The following OGDHL variants were observed in gnomAD, a reference collection of about 807,000 sequenced individuals.
OGDHL encodes the protein 2-oxoglutarate dehydrogenase-like, mitochondrial.
OGDHL carries 79 observed loss-of-function variants against 109.6 expected under a neutral mutation model. The observed-to-expected ratio is 0.72, with a 90% CI of 0.60 to 0.87. The LOEUF is 0.87. OGDHL is among the 40% of genes least tolerant of loss of function. The pLI is 0.00. For missense variants in OGDHL, 1,275 were observed against 1,362.2 expected (o/e 0.94, Z 1.01); for synonymous variants, 528 against 537.2 (o/e 0.98, Z 0.24).
At chr10:49,758,075 A>T (rs1036081872) in intron 2 of OGDHL, among the ~76,000 whole-genome samples, 3 of 152,246 alleles carry the variant, frequency 2.0e-5, no homozygotes. Context: ...AGATCAATAC[A>T]TACACAAACA....
Position 49,735,262 on chromosome 10 carries a change from A to C in OGDHL, c.2999T>G (p.Phe1000Cys), listed in dbSNP as rs1841060994. ...VSLKKFLDTA[F>C]NLQAFEGKTF is the part of the protein sequence containing the mutation. ...CTTGCCCTCAAAGGCCTGGAGATTGAAGGCAGTATCCAGAAACTTCTTCAG... is the reference window on the plus strand; with the variant it reads ...CTTGCCCTCAAAGGCCTGGAGATTGCAGGCAGTATCCAGAAACTTCTTCAG... The change falls in exon 23 of 23, where the codon TTC (phenylalanine) becomes TGC (cysteine). Residue 1000 changes from phenylalanine to cysteine, a missense_variant. Phe to Cys is a radical substitution (Grantham distance 205). Coordinates refer to ENST00000374103, the MANE Select transcript of OGDHL (RefSeq NM_018245.3). 6.2e-7 allele frequency: 1 copy of C among 1,613,948 alleles called. No homozygotes were observed. Among genetic ancestry groups the C allele is most frequent in the African/African-American group, 1.3e-5 (1 of 74,932 alleles).
At chr10:49,748,542 G>T (rs1842357118) in intron 8 of OGDHL, among the ~76,000 whole-genome samples, 1 of 152,102 alleles carries the variant, frequency 6.6e-6, no homozygotes, top group South Asian at 2.1e-4. Flanking sequence ...AAAAAAAATA[G>T]TAATTTCATT....
intron 8 of OGDHL, among the ~76,000 whole-genome samples, chr10:49,748,742 C>CA (rs1842373583): frequency 8.2e-5 from 11 of 133,884 alleles, no homozygotes; most frequent in Non-Finnish European, 1.3e-4. Flanking sequence ...AGGTATGGGT[C>CA]CACACACACA....
At chr10:49,758,333 G>C in intron 2 of OGDHL, 56 bp downstream of exon 2, 1 of 1,534,968 alleles carries the variant, frequency 6.5e-7, no homozygotes, top group Non-Finnish European at 8.8e-7. Flanking sequence ...GCCACAGCCC[G>C]GCCCCCGAGG....
At chr10:49,751,078 G>A (rs1842558281) in intron 6 of OGDHL, 93 bp from the exon 7 acceptor site, 12 of 1,196,614 alleles carry the variant, frequency 1.0e-5, no homozygotes, top group Non-Finnish European at 1.4e-5. Flanking sequence ...GCTCAGAGCT[G>A]AATGCTGAGG....
intron 7 of OGDHL, 37 bp from the exon 8 acceptor site, chr10:49,749,853 C>T: frequency 6.5e-7 from 1 of 1,540,202 alleles, no homozygotes; most frequent in Non-Finnish European, 8.8e-7. Flanking sequence ...CCTGGCAAAG[C>T]CCGCAGGCCT....
chr10:49,738,427 C>T, intron 17 of OGDHL, 165 bp from the exon 18 acceptor site: 1 of 665,012 alleles, frequency 1.5e-6, no homozygotes, highest in Non-Finnish European at 2.6e-6. Context: ...GGAACAAGAG[C>T]AGAATGGGAA....
At chr10:49,746,999 G>C in intron 9 of OGDHL, 30 bp downstream of exon 9, 1 of 1,611,362 alleles carries the variant, frequency 6.2e-7, no homozygotes, top group Non-Finnish European at 8.5e-7. Context: ...GAAGGGCCCA[G>C]GTCCTCTGGG....
intron 16 of OGDHL, among the ~76,000 whole-genome samples, chr10:49,740,476 C>T (rs934726313): frequency 4.6e-5 from 7 of 152,088 alleles, no homozygotes; most frequent in Admixed American, 4.6e-4. Context: ...CAAAACCCCT[C>T]AAGGCAAGGA....
chr10:49,741,984 A>G (rs201814669), intron 15 of OGDHL, among the ~76,000 whole-genome samples: 18 of 141,268 alleles, frequency 1.3e-4, no homozygotes, highest in Admixed American at 8.5e-4. Flanking sequence ...CACACACACA[A>G]CCACACACAC....
At position 49,738,201 on chromosome 10, in the gene OGDHL, T is replaced by C. The variant is rs1196658326; in HGVS notation, c.2381A>G (p.Asp794Gly). Residue 794 changes from aspartate to glycine, a missense_variant, in exon 18 of 23, where the codon GAT (aspartate) becomes GGT (glycine). Transcript: ENST00000374103. ...AGCAGCAACACTCACAGGGTAGGCA[T>C]CCGAGTCATCATTGCTCATCTGCAG... ...RFLQMSNDDS[D>G]AYPAFTKDFE... 1.9e-6 allele frequency: 3 copies of C among 1,613,886 alleles called. No individual in the cohort carries two copies. Among genetic ancestry groups the C allele is most frequent in the Non-Finnish European group, 1.7e-6 (2 of 1,180,018 alleles).
chr10:49,743,125 C>T, intron 14 of OGDHL, 147 bp from the exon 15 acceptor site: 2 of 1,026,790 alleles, frequency 1.9e-6, no homozygotes, highest in Non-Finnish European at 2.8e-6. Flanking sequence ...GGGCCCAGGG[C>T]CAGGCACCCC....
intron 15 of OGDHL, among the ~76,000 whole-genome samples, chr10:49,741,290 G>A (rs1841633536): frequency 6.6e-6 from 1 of 152,098 alleles, no homozygotes; most frequent in Non-Finnish European, 1.5e-5. Flanking sequence ...AGAAACCACC[G>A]TGCAGTAGCC....
intron 14 of OGDHL, chr10:49,743,664 CCT>C (rs1311513736): frequency 2.3e-5 from 5 of 219,116 alleles, no homozygotes; most frequent in Admixed American, 5.4e-5. Context: ...CGTTCCAGCC[CCT>C]GTATGGGAGC....
chr10:49,745,263 T>TG, intron 12 of OGDHL, 81 bp downstream of exon 12: 1 of 1,538,956 alleles, frequency 6.5e-7, no homozygotes, highest in Non-Finnish European at 8.8e-7. Context: ...TGCCCAGCAC[T>TG]GGGCTGGTAA....
At chr10:49,741,902 ACAC>A (rs1841701639) in intron 15 of OGDHL, among the ~76,000 whole-genome samples, 2 of 145,550 alleles carry the variant, frequency 1.4e-5, no homozygotes, top group East Asian at 4.2e-4. Flanking sequence ...CACACATACC[ACAC>A]AACACACACA....
At chr10:49,756,637 G>A (rs972305521) in intron 3 of OGDHL, 139 bp downstream of exon 3, 1 of 792,486 alleles carries the variant, frequency 1.3e-6, no homozygotes, top group Non-Finnish European at 1.9e-6. Context: ...GGCTAGAGGA[G>A]TAGGTGCCGC....
chr10:49,761,621 G>T (rs1278121780), intron 1 of OGDHL, among the ~76,000 whole-genome samples: 1 of 152,202 alleles, frequency 6.6e-6, no homozygotes, highest in Admixed American at 6.5e-5. Context: ...GCCGAGGGGC[G>T]TCAAAGGGTC....
At chr10:49,743,916 T>A (rs1214869714) in intron 14 of OGDHL, 78 bp downstream of exon 14, 24 of 1,543,360 alleles carry the variant, frequency 1.6e-5, no homozygotes, top group Non-Finnish European at 2.0e-5. Context: ...CTCTCTTGCA[T>A]CCCAACCAAT....
Sources: gnomAD v4.1 joint callset for allele counts (sites outside exome capture counted in the v4.1 genomes callset) on GRCh38, gnomAD v4.1.1 for gene constraint, MANE v1.5 for transcripts, NCBI Gene and HGNC (gene_info 2026-07-23, HGNC 2026-07-21) for gene names.